The following PRKG1 variants were observed in gnomAD, a reference collection of about 807,000 sequenced individuals.
The protein encoded by PRKG1 is cGMP-dependent protein kinase 1.
PRKG1 carries 35 observed loss-of-function variants against 88.1 expected under a neutral mutation model. That is an observed-to-expected ratio of 0.40 (90% confidence interval 0.30 to 0.53). The LOEUF is 0.53. PRKG1 is among the 20% of genes least tolerant of loss of function. PRKG1 has a pLI of 0.59. For synonymous variants in PRKG1, 303 were observed against 292.5 expected (o/e 1.04, Z -0.37); for missense variants, 540 against 839.8 (o/e 0.64, Z 4.41).
At chr10:52,188,214 G>A (rs949944866) in intron 9 of PRKG1, among the ~76,000 whole-genome samples, 2 of 49,594 alleles carry the variant, frequency 4.0e-5, no homozygotes, top group African/African-American at 7.3e-5. Flanking sequence ...ATATATATGT[G>A]TATATATATA....
At position 52,294,532 on chromosome 10, in the gene PRKG1, C is replaced by T. The variant is rs1842339675; in HGVS notation, c.*632C>T. 6.6e-6 allele frequency: 1 copy of T among 152,552 alleles called. No homozygotes were observed. The highest frequency in any genetic ancestry group is 1.5e-5 in the Non-Finnish European group (1 of 68,018). 9.4% of individuals were successfully genotyped at this position (152,552 alleles called of 1,614,324 possible). A position where few individuals can be genotyped will look rare whatever the true frequency, so the allele number is the denominator to read the frequency against. On this transcript the variant is annotated 3_prime_UTR_variant, in exon 18 of 18. Coordinates refer to ENST00000373980, the MANE Select transcript of PRKG1 (RefSeq NM_006258.4). ...TTTAAAAATTGATATGATAAAAGCA[C>T]AACTGCTATAGATTCTGCTGAGACC...
At chr10:51,448,835 A>G (rs1229623551) in intron 2 of PRKG1, among the ~76,000 whole-genome samples, 2 of 152,068 alleles carry the variant, frequency 1.3e-5, no homozygotes, top group Non-Finnish European at 2.9e-5. Context: ...TGGTTCGTAT[A>G]TAGAAACACA....
At chr10:51,327,202 A>C (rs1007750309) in intron 2 of PRKG1, among the ~76,000 whole-genome samples, 1 of 151,998 alleles carries the variant, frequency 6.6e-6, no homozygotes, top group Non-Finnish European at 1.5e-5. Flanking sequence ...ATCATTTGAG[A>C]TCAGGAGTTC....
At chr10:51,605,911 C>T (rs573875244) in intron 3 of PRKG1, among the ~76,000 whole-genome samples, 1 of 152,058 alleles carries the variant, frequency 6.6e-6, no homozygotes, top group Non-Finnish European at 1.5e-5. Context: ...ATATCTAGTA[C>T]CCCTGTTTAC....
rs71459417 is a variant in PRKG1, at chr10:51,409,850, CAAAAAAAAA to C, written c.479-57861_479-57853del. Among the ~76,000 whole-genome samples, 60 of 79,502 alleles carry C rather than the reference CAAAAAAAAA, an allele frequency of 7.5e-4. 1 individual carries two copies. Among genetic ancestry groups the C allele is most frequent in the Non-Finnish European group, 1.3e-3 (55 of 43,384 alleles). 52.2% of individuals were successfully genotyped at this position (79,502 alleles called of 152,430 possible). A position where few individuals can be genotyped will look rare whatever the true frequency, so the allele number is the denominator to read the frequency against. On this transcript the variant is annotated intron_variant, in intron 2 of 17. Transcript: ENST00000373980. ...GCCTGGCAACAGAGAGAGACTCTGT[CAAAAAAAAA>C]AAAAAAAAAAAGGAGAGTAGTTATC...
intron 3 of PRKG1, among the ~76,000 whole-genome samples, chr10:51,774,079 G>A (rs1838373926): frequency 6.6e-6 from 1 of 152,042 alleles, no homozygotes; most frequent in Non-Finnish European, 1.5e-5. Flanking sequence ...AAACCTTGTT[G>A]GAGAGGTGGA....
At chr10:51,178,181 T>C (rs1031211439) in intron 2 of PRKG1, among the ~76,000 whole-genome samples, 1 of 152,120 alleles carries the variant, frequency 6.6e-6, no homozygotes, top group African/African-American at 2.4e-5. Flanking sequence ...GATTAAAAAA[T>C]ATATTTACAT....
At chr10:52,105,665 T>C (rs1264417640) in intron 7 of PRKG1, among the ~76,000 whole-genome samples, 2 of 152,168 alleles carry the variant, frequency 1.3e-5, no homozygotes, top group Admixed American at 6.5e-5. Flanking sequence ...AAGTGCAGGT[T>C]CGTTACGTAA....
chr10:52,006,384 C>T (rs944439077), intron 5 of PRKG1, among the ~76,000 whole-genome samples: 62 of 152,040 alleles, frequency 4.1e-4, no homozygotes, highest in Non-Finnish European at 8.4e-4. Flanking sequence ...ATCTAAGAAT[C>T]ATAATAAAAT....
At chr10:51,555,348 A>G (rs11815008) in intron 3 of PRKG1, among the ~76,000 whole-genome samples, 22,630 of 151,876 alleles carry the variant, frequency 0.15, 1,887 homozygotes, top group African/African-American at 0.22. Flanking sequence ...TTCATTATTT[A>G]ATAGAGTGAA....
intron 2 of PRKG1, among the ~76,000 whole-genome samples, chr10:51,260,987 T>A (rs1277256786): frequency 1.3e-5 from 2 of 152,222 alleles, no homozygotes; most frequent in Non-Finnish European, 2.9e-5. Flanking sequence ...ATGTCGTAAC[T>A]TAAACTGGCA....
chr10:51,090,398 A>G (rs1158830133), intron 1 of PRKG1, among the ~76,000 whole-genome samples: 1 of 152,152 alleles, frequency 6.6e-6, no homozygotes, highest in Non-Finnish European at 1.5e-5. Context: ...ATTGAGTGAC[A>G]GAAAGGATCC....
chr10:51,464,735 CA>C (rs908911309), intron 2 of PRKG1, among the ~76,000 whole-genome samples: 4 of 150,606 alleles, frequency 2.7e-5, no homozygotes, highest in Non-Finnish European at 5.9e-5. Context: ...ACTAAAAATA[CA>C]AAAAATTAGC....
intron 2 of PRKG1, among the ~76,000 whole-genome samples, chr10:51,299,116 C>T (rs189941166): frequency 2.7e-5 from 4 of 147,116 alleles, no homozygotes; most frequent in Admixed American, 6.6e-5. Context: ...CTTAAAGCCA[C>T]ACACACTTAC....
intron 1 of PRKG1, among the ~76,000 whole-genome samples, chr10:51,028,389 C>T (rs1196469876): frequency 2.0e-5 from 3 of 152,020 alleles, no homozygotes; most frequent in Admixed American, 6.6e-5. Context: ...AGTTGAGTGG[C>T]GCTGTTTTCA....
chr10:51,101,838 CACCAGTT>C (rs1320959582), intron 1 of PRKG1, among the ~76,000 whole-genome samples: 1 of 152,138 alleles, frequency 6.6e-6, no homozygotes, highest in African/African-American at 2.4e-5. Context: ...GGACTGGAGT[CACCAGTT>C]ACCCCTGGGC....
At chr10:51,990,345 T>G (rs77691306) in intron 5 of PRKG1, among the ~76,000 whole-genome samples, 7,434 of 152,172 alleles carry the variant, frequency 0.049, 436 homozygotes, top group African/African-American at 0.14. Context: ...ATGTTAGGAT[T>G]GTTTTTTCCA....
intron 1 of PRKG1, among the ~76,000 whole-genome samples, chr10:51,127,813 A>T (rs913405600): frequency 3.9e-5 from 6 of 152,226 alleles, no homozygotes; most frequent in Admixed American, 1.3e-4. Flanking sequence ...TTGCAGGGAC[A>T]TAGATGAAGC....
At chr10:52,175,300 G>A (rs185402844) in intron 9 of PRKG1, among the ~76,000 whole-genome samples, 43 of 151,898 alleles carry the variant, frequency 2.8e-4, no homozygotes, top group Admixed American at 4.6e-4. Context: ...CATCTATATC[G>A]CCACAAACAA....
Sources: gnomAD v4.1 joint callset for allele counts (sites outside exome capture counted in the v4.1 genomes callset) on GRCh38, gnomAD v4.1.1 for gene constraint, MANE v1.5 for transcripts, NCBI Gene and HGNC (gene_info 2026-07-23, HGNC 2026-07-21) for gene names.